SPOCK1: variants seen among roughly 807,000 people sequenced by gnomAD.
SPOCK1 encodes the protein testican-1.
In SPOCK1, 23 loss-of-function variants were observed where a neutral mutation model predicts 55.3. The ratio of observed to expected loss-of-function variants is 0.42; its 90% CI spans 0.30 to 0.59. SPOCK1 has a LOEUF of 0.59. SPOCK1 is among the 20% of genes least tolerant of loss of function. The pLI is 0.22. For missense variants in SPOCK1, 499 were observed against 552.5 expected (o/e 0.90, Z 0.97); for synonymous variants, 226 against 221.0 (o/e 1.02, Z -0.20).
intron 6 of SPOCK1, among the ~76,000 whole-genome samples, chr5:137,041,388 T>C (rs930561667): frequency 1.3e-5 from 2 of 151,932 alleles, no homozygotes; most frequent in African/African-American, 4.8e-5. Flanking sequence ...GAAGAAAACA[T>C]GGGGAAAAAA....
chr5:137,106,352 C>A (rs1753366950), intron 5 of SPOCK1, among the ~76,000 whole-genome samples: 2 of 152,146 alleles, frequency 1.3e-5, no homozygotes, highest in African/African-American at 4.8e-5. Context: ...TAAAAGCTGG[C>A]AATCAGGCCC....
At chr5:137,227,130 G>T (rs1755961770) in intron 3 of SPOCK1, among the ~76,000 whole-genome samples, 1 of 152,164 alleles carries the variant, frequency 6.6e-6, no homozygotes, top group South Asian at 2.1e-4. Flanking sequence ...AGCATGCAGG[G>T]AATCAGAAGA....
intron 2 of SPOCK1, among the ~76,000 whole-genome samples, chr5:137,490,537 T>C (rs1315999388): frequency 6.6e-6 from 1 of 152,120 alleles, no homozygotes; most frequent in African/African-American, 2.4e-5. Context: ...CTGGTGCCCA[T>C]AAAGCCTGCC....
At chr5:137,305,843 G>C (rs181524518) in intron 2 of SPOCK1, among the ~76,000 whole-genome samples, 106 of 152,308 alleles carry the variant, frequency 7.0e-4, no homozygotes, top group African/African-American at 2.5e-3. Flanking sequence ...CTCTTTCCAA[G>C]ATCTCGGAGC....
At chr5:137,355,389 A>T (rs544819437) in intron 2 of SPOCK1, among the ~76,000 whole-genome samples, 3 of 152,158 alleles carry the variant, frequency 2.0e-5, no homozygotes, top group Admixed American at 1.3e-4. Flanking sequence ...GGGTCTCACT[A>T]TGTTACCCAA....
chr5:137,056,507 A>G (rs564350216), intron 6 of SPOCK1, among the ~76,000 whole-genome samples: 9 of 152,278 alleles, frequency 5.9e-5, no homozygotes, highest in African/African-American at 2.2e-4. Context: ...TGGGAGATAC[A>G]GGGAGAGAGA....
chr5:137,424,603 A>G lies in SPOCK1; in HGVS notation c.186+73770T>C, dbSNP rs527868908. Among the ~76,000 whole-genome samples, 4 of 152,324 alleles carry G rather than the reference A, an allele frequency of 2.6e-5. No individual in the cohort carries two copies. In the East Asian group the frequency reaches 7.7e-4, roughly 29 times the overall value. On this transcript the variant is annotated intron_variant, in intron 2 of 10. Transcript: ENST00000394945. ...TCATAATAGTCTCAAGCTGGAAACA[A>G]TCCAGATGGCCATCAACAGGTGAAT...
intron 2 of SPOCK1, among the ~76,000 whole-genome samples, chr5:137,275,755 T>C (rs1327101052): frequency 6.6e-6 from 1 of 152,144 alleles, no homozygotes; most frequent in Non-Finnish European, 1.5e-5. Flanking sequence ...AGTCTCCAGC[T>C]CATTAGACAG....
chr5:137,298,014 C>T (rs538800605), intron 2 of SPOCK1, among the ~76,000 whole-genome samples: 7 of 152,304 alleles, frequency 4.6e-5, no homozygotes, highest in South Asian at 2.1e-4. Flanking sequence ...ATCAGACAGA[C>T]GTGGCCCCAA....
intron 2 of SPOCK1, among the ~76,000 whole-genome samples, chr5:137,285,534 G>A (rs1380665666): frequency 6.6e-6 from 1 of 152,072 alleles, no homozygotes. Flanking sequence ...CAGAAAAATG[G>A]CCCACTCATA....
At chr5:137,454,515 G>C (rs1753323534) in intron 2 of SPOCK1, among the ~76,000 whole-genome samples, 5 of 152,192 alleles carry the variant, frequency 3.3e-5, no homozygotes, top group African/African-American at 1.2e-4. Flanking sequence ...GCTGAGGCTG[G>C]AGGGGAGGGG....
At chr5:137,043,634 G>A (rs1752044479) in intron 6 of SPOCK1, among the ~76,000 whole-genome samples, 1 of 152,156 alleles carries the variant, frequency 6.6e-6, no homozygotes, top group Admixed American at 6.5e-5. Flanking sequence ...TGATTCCTCT[G>A]TGGATCTTGG....
In SPOCK1 at chr5:137,069,605, G is replaced by A. The variant is rs1040862861; in HGVS notation, c.475-1776C>T. Among the ~76,000 whole-genome samples, 4 of 152,138 alleles carry A rather than the reference G, an allele frequency of 2.6e-5. No individual in the cohort carries two copies. In the East Asian group the frequency reaches 5.8e-4, roughly 22 times the overall value. On this transcript the variant is annotated intron_variant, in intron 5 of 10. Transcript: ENST00000394945. ...GGACTGAAGGTGAGCCGAGTGGAAC[G>A]CCGGGAAGGCAGCAGGCAGGTCACT...
At chr5:137,424,073 T>C (rs1324994426) in intron 2 of SPOCK1, among the ~76,000 whole-genome samples, 1 of 152,162 alleles carries the variant, frequency 6.6e-6, no homozygotes, top group African/African-American at 2.4e-5. Flanking sequence ...TACACCTTGA[T>C]ATCTTTGTAA....
chr5:137,379,140 G>A (rs541401462), intron 2 of SPOCK1, among the ~76,000 whole-genome samples: 9 of 152,162 alleles, frequency 5.9e-5, no homozygotes, highest in African/African-American at 2.2e-4. Flanking sequence ...TACAGGGATG[G>A]GGGGATGCTG....
intron 2 of SPOCK1, among the ~76,000 whole-genome samples, chr5:137,488,163 G>T (rs750534661): frequency 6.6e-6 from 1 of 152,076 alleles, no homozygotes; most frequent in Non-Finnish European, 1.5e-5. Flanking sequence ...GATCACTTGA[G>T]GTCAGGAGTT....
At chr5:137,159,581 A>T (rs1037130327) in intron 3 of SPOCK1, among the ~76,000 whole-genome samples, 1 of 152,042 alleles carries the variant, frequency 6.6e-6, no homozygotes, top group African/African-American at 2.4e-5. Flanking sequence ...ATGAGTTAGA[A>T]CATGCAGTAT....
intron 2 of SPOCK1, among the ~76,000 whole-genome samples, chr5:137,431,610 C>T (rs1039444348): frequency 2.0e-5 from 3 of 152,248 alleles, no homozygotes; most frequent in Non-Finnish European, 2.9e-5. Flanking sequence ...GGCTTGGTGC[C>T]ATTCTGGAGG....
intron 2 of SPOCK1, among the ~76,000 whole-genome samples, chr5:137,431,361 G>A (rs562836637): frequency 6.6e-6 from 1 of 152,298 alleles, no homozygotes; most frequent in South Asian, 2.1e-4. Flanking sequence ...GCGTGGGGCT[G>A]GACAAGTTAT....
Sources: gnomAD v4.1 joint callset for allele counts (sites outside exome capture counted in the v4.1 genomes callset) on GRCh38, gnomAD v4.1.1 for gene constraint, MANE v1.5 for transcripts, NCBI Gene and HGNC (gene_info 2026-07-23, HGNC 2026-07-21) for gene names.